ZCWPW2: variants seen among roughly 807,000 people sequenced by gnomAD.
ZCWPW2 encodes the protein zinc finger CW-type PWWP domain protein 2.
ZCWPW2 carries 45 observed loss-of-function variants against 46.6 expected under a neutral mutation model. The ratio of observed to expected loss-of-function variants is 0.96; its 90% CI spans 0.76 to 1.24. The LOEUF is 1.24. Among genes scored for constraint, ZCWPW2 ranks in the 50% most tolerant of loss-of-function variants. The probability of loss-of-function intolerance (pLI) is 0.00; values close to 1 mark genes in which losing one functional copy is unlikely to be tolerated. For synonymous variants in ZCWPW2, 152 were observed against 137.1 expected (o/e 1.11, Z -0.76); for missense variants, 429 against 403.9 (o/e 1.06, Z -0.53).
intron 4 of ZCWPW2, among the ~76,000 whole-genome samples, chr3:28,441,536 T>C (rs1697758792): frequency 6.6e-6 from 1 of 152,162 alleles, no homozygotes; most frequent in South Asian, 2.1e-4. Context: ...TGCCTGCATA[T>C]GGTGCAGAAC....
chr3:28,388,472 G>A (rs763063810), intron 1 of ZCWPW2, among the ~76,000 whole-genome samples: 20 of 152,144 alleles, frequency 1.3e-4, no homozygotes, highest in Non-Finnish European at 1.9e-4. Flanking sequence ...TTTTCCAGAA[G>A]AGGTTGCAAA....
chr3:28,349,094 G>T lies in ZCWPW2; in HGVS notation c.-243G>T, dbSNP rs1704415701. ...TAGCGAAGCCAGGTTCGGTCGTGGG[G>T]GTGGGGAAGTGCAGGAGTGGCGCGC... On this transcript the variant is annotated 5_prime_UTR_variant, in exon 1 of 10. Coordinates refer to ENST00000383768, the MANE Select transcript of ZCWPW2 (RefSeq NM_001040432.4). 2 of 985,748 alleles carry T rather than the reference G, an allele frequency of 2.0e-6. No homozygotes were observed. The highest frequency in any genetic ancestry group is 1.2e-6 in the Non-Finnish European group (1 of 830,160). 61.1% of individuals were successfully genotyped at this position (985,748 alleles called of 1,614,324 possible). A position where few individuals can be genotyped will look rare whatever the true frequency, so the allele number is the denominator to read the frequency against.
intron 4 of ZCWPW2, among the ~76,000 whole-genome samples, chr3:28,447,240 T>A (rs181798271): frequency 6.6e-6 from 1 of 152,190 alleles, no homozygotes; most frequent in African/African-American, 2.4e-5. Context: ...CTTATTTACA[T>A]TGATGGAAAA....
intron 5 of ZCWPW2, among the ~76,000 whole-genome samples, chr3:28,488,969 A>G (rs187972108): frequency 1.3e-5 from 2 of 152,352 alleles, no homozygotes; most frequent in African/African-American, 2.4e-5. Flanking sequence ...AGTATTACAT[A>G]AGAATTTTCC....
At chr3:28,385,652 T>C (rs558879530) in intron 1 of ZCWPW2, among the ~76,000 whole-genome samples, 2 of 152,306 alleles carry the variant, frequency 1.3e-5, no homozygotes, top group African/African-American at 4.8e-5. Flanking sequence ...ACATTGTGGT[T>C]GACCAAAATT....
At chr3:28,492,294 A>G in intron 6 of ZCWPW2, 121 bp downstream of exon 6, 1 of 847,870 alleles carries the variant, frequency 1.2e-6, no homozygotes. Context: ...TTTCTTCTGA[A>G]TGTTACTTTA....
chr3:28,387,211 C>T (rs1004864352), intron 1 of ZCWPW2, among the ~76,000 whole-genome samples: 1 of 152,138 alleles, frequency 6.6e-6, no homozygotes, highest in Non-Finnish European at 1.5e-5. Context: ...CTTAGCAAAC[C>T]CTTGGACCAC....
At chr3:28,384,294 A>G (rs1695196444) in intron 1 of ZCWPW2, among the ~76,000 whole-genome samples, 1 of 152,168 alleles carries the variant, frequency 6.6e-6, no homozygotes, top group African/African-American at 2.4e-5. Context: ...TCTGTTTTGT[A>G]CTTTTTATGT....
At chr3:28,417,399 G>T (rs1040042558) in intron 3 of ZCWPW2, among the ~76,000 whole-genome samples, 18 of 152,032 alleles carry the variant, frequency 1.2e-4, no homozygotes, top group African/African-American at 4.3e-4. Flanking sequence ...AAAAAGTCCA[G>T]GACCAGATGG....
At chr3:28,405,772 C>G (rs921297862) in intron 2 of ZCWPW2, among the ~76,000 whole-genome samples, 1 of 152,086 alleles carries the variant, frequency 6.6e-6, no homozygotes, top group African/African-American at 2.4e-5. Context: ...CCCCACCCGG[C>G]CAACAGACTG....
chr3:28,483,207 G>A (rs1699489554), intron 5 of ZCWPW2, among the ~76,000 whole-genome samples: 1 of 152,048 alleles, frequency 6.6e-6, no homozygotes, highest in African/African-American at 2.4e-5. Context: ...TGTGTGTGTG[G>A]ATGTCCAGTT....
intron 1 of ZCWPW2, 65 bp downstream of exon 1, chr3:28,349,268 G>A: frequency 1.1e-6 from 1 of 938,792 alleles, no homozygotes; most frequent in Non-Finnish European, 1.3e-6. Context: ...GCCCTCTGGT[G>A]CGTCTTTTTC....
chr3:28,478,379 G>A (rs1386277141), intron 4 of ZCWPW2: 4 of 248,482 alleles, frequency 1.6e-5, no homozygotes, highest in African/African-American at 4.7e-5. Flanking sequence ...AAGTAGCTGG[G>A]AATTACAGGT....
intron 1 of ZCWPW2, among the ~76,000 whole-genome samples, chr3:28,384,179 A>G (rs62251144): frequency 0.22 from 33,623 of 152,022 alleles, 4,263 homozygotes; most frequent in Middle Eastern, 0.29. Context: ...TTTATTTGTT[A>G]CTAGACCCAA....
intron 7 of ZCWPW2, among the ~76,000 whole-genome samples, chr3:28,514,891 T>C (rs1219716319): frequency 3.9e-5 from 6 of 152,176 alleles, no homozygotes; most frequent in Non-Finnish European, 7.4e-5. Flanking sequence ...AAACAAGGAC[T>C]GACACCAATA....
At chr3:28,521,820 G>A (rs981896814) in intron 9 of ZCWPW2, among the ~76,000 whole-genome samples, 9 of 152,136 alleles carry the variant, frequency 5.9e-5, no homozygotes, top group Non-Finnish European at 1.3e-4. Flanking sequence ...AAAAATGGCA[G>A]TGAGGAGTTC....
chr3:28,359,966 C>G (rs1372919487), intron 1 of ZCWPW2, among the ~76,000 whole-genome samples: 1 of 151,814 alleles, frequency 6.6e-6, no homozygotes, highest in African/African-American at 2.4e-5. Flanking sequence ...ATTTGTTTTG[C>G]TAACAGGATG....
intron 9 of ZCWPW2, among the ~76,000 whole-genome samples, chr3:28,523,337 C>T (rs1291337895): frequency 6.6e-6 from 1 of 152,048 alleles, no homozygotes; most frequent in African/African-American, 2.4e-5. Context: ...ACAGTGAAAC[C>T]AACTAGCAAA....
At chr3:28,372,615 G>C (rs1705372282) in intron 1 of ZCWPW2, among the ~76,000 whole-genome samples, 1 of 152,020 alleles carries the variant, frequency 6.6e-6, no homozygotes, top group African/African-American at 2.4e-5. Context: ...TTGGCAACTT[G>C]TCCTTTATTT....
Sources: gnomAD v4.1 joint callset for allele counts (sites outside exome capture counted in the v4.1 genomes callset) on GRCh38, gnomAD v4.1.1 for gene constraint, MANE v1.5 for transcripts, NCBI Gene and HGNC (gene_info 2026-07-23, HGNC 2026-07-21) for gene names.